The following VAT1 variants were observed in gnomAD, a reference collection of about 807,000 sequenced individuals.
VAT1 encodes the protein NADPH-dependent quinone oxidoreductase VAT1.
In VAT1, 24 loss-of-function variants were observed where a neutral mutation model predicts 33.3. The ratio of observed to expected loss-of-function variants is 0.72; its 90% CI spans 0.52 to 1.01. The LOEUF (loss-of-function observed/expected upper bound fraction) is 1.01, where lower values mean the gene tolerates loss of function less well. VAT1 is among the 50% of genes least tolerant of loss of function. The probability of loss-of-function intolerance (pLI) is 0.00; values close to 1 mark genes in which losing one functional copy is unlikely to be tolerated. For synonymous variants in VAT1, 212 were observed against 225.0 expected (o/e 0.94, Z 0.52); for missense variants, 436 against 533.7 (o/e 0.82, Z 1.80).
At chr17:43,019,459 T>C (rs973038147) in intron 1 of VAT1, 1 of 152,190 alleles carries the variant, frequency 6.6e-6, no homozygotes, top group Non-Finnish European at 1.5e-5. Flanking sequence ...CATACCAAAG[T>C]GCAGGCAAAG....
At position 43,017,945 on chromosome 17, in the gene VAT1, G is replaced by A. The variant is rs2050534498; in HGVS notation, c.767-15C>T. On this transcript the variant is annotated splice_polypyrimidine_tract_variant and intron_variant, in intron 3 of 5. Transcript: ENST00000355653. The stretch of plus-strand genomic sequence containing the variant: ...AATGTCCACTCCTGTCATAGAGTAG[G>A]GGAACCCAAGAACAACATTAGGATC... The A allele has an allele frequency of 6.2e-7, 1 of 1,613,892 alleles. No homozygotes were observed. The highest frequency in any genetic ancestry group is 8.5e-7 in the Non-Finnish European group (1 of 1,179,914).
chr17:43,020,430 T>C (rs929736036), intron 1 of VAT1, among the ~76,000 whole-genome samples: 9 of 152,054 alleles, frequency 5.9e-5, no homozygotes, highest in African/African-American at 2.2e-4. Context: ...AGAAGTCAGT[T>C]TGAGGGTGGG....
At position 43,022,210 on chromosome 17, in the gene VAT1, GCCCCTT is replaced by G; in HGVS notation, c.107_112del (p.Glu36_Gly37del). 6.4e-7 allele frequency: 1 copy of G among 1,560,950 alleles called. No individual in the cohort carries two copies. The highest frequency in any genetic ancestry group is 1.8e-5 in the Admixed American group (1 of 54,280). On this transcript the variant is annotated inframe_deletion, in exon 1 of 6. Coordinates refer to ENST00000355653, the MANE Select transcript of VAT1 (RefSeq NM_006373.4). ...TGGCGGCGAGGCGGCGGCGGCGGCG[GCCCCTT>G]CGGAGGCCGCGGGATGCTGGGGGTC...
Position 43,016,123 on chromosome 17 carries a change from T to TCTGTTTCA in VAT1, c.1112_1119dup (p.Met374Ter), listed in dbSNP as rs1182452231. The TCTGTTTCA allele has an allele frequency of 7.4e-6, 12 of 1,614,054 alleles. No individual in the cohort carries two copies. Among genetic ancestry groups the TCTGTTTCA allele is most frequent in the Non-Finnish European group, 1.0e-5 (12 of 1,180,034 alleles). On this transcript the variant is annotated stop_gained and frameshift_variant, in exon 6 of 6. Coordinates refer to ENST00000355653, the MANE Select transcript of VAT1 (RefSeq NM_006373.4). LOFTEE classifies it high-confidence loss of function. ...TTGCCCACATTCTTCTTCTCCTGCA[T>TCTGTTTCA]CTGTTTCATGGCATCAGCCACCTGG...
chr17:43,019,073 T>G (rs2050544683), intron 1 of VAT1: 5 of 485,534 alleles, frequency 1.0e-5, no homozygotes, highest in Non-Finnish European at 1.5e-5. Context: ...GATACTATCC[T>G]TATCATCTTC....
intron 1 of VAT1, among the ~76,000 whole-genome samples, chr17:43,020,780 C>T (rs2050559698): frequency 6.7e-6 from 1 of 149,436 alleles, no homozygotes; most frequent in Admixed American, 6.8e-5. Context: ...GAGGCTGAGG[C>T]AGGAGAATCG....
Position 43,017,939 on chromosome 17 carries a change from G to C in VAT1, c.767-9C>G, listed in dbSNP as rs748763654. ...CATGACAATGTCCACTCCTGTCATA[G>C]AGTAGGGGAACCCAAGAACAACATT... is the stretch of plus-strand genomic sequence containing the variant. On this transcript the variant is annotated splice_polypyrimidine_tract_variant and intron_variant, in intron 3 of 5. Coordinates refer to ENST00000355653, the MANE Select transcript of VAT1 (RefSeq NM_006373.4). The C allele has an allele frequency of 4.3e-6, 7 of 1,614,172 alleles. No homozygotes were observed. The highest frequency in any genetic ancestry group is 1.3e-5 in the African/African-American group (1 of 75,038).
At chr17:43,020,853 C>G (rs1211705781) in intron 1 of VAT1, among the ~76,000 whole-genome samples, 1 of 126,548 alleles carries the variant, frequency 7.9e-6, no homozygotes, top group Non-Finnish European at 1.6e-5. Flanking sequence ...CCAGCCTGGG[C>G]AACAAGAGCG....
In VAT1 at chr17:43,022,205, C is replaced by T. The variant is rs748897954; in HGVS notation, c.118G>A (p.Ala40Thr). 1.3e-6 allele frequency: 2 copies of T among 1,558,126 alleles called. No homozygotes were observed. The highest frequency in any genetic ancestry group is 1.9e-5 in the Admixed American group (1 of 53,628). ...AGCAGTGGCGGCGAGGCGGCGGCGG[C>T]GGCGGCCCCTTCGGAGGCCGCGGGA... ...QHPAASEGAA[A>T]AAASPPLLRC... Residue 40 changes from alanine (A) to threonine (T), a missense_variant, in exon 1 of 6, where the codon GCC (alanine) becomes ACC (threonine). Ala to Thr is a moderately conservative substitution (Grantham distance 58). Coordinates refer to ENST00000355653, the MANE Select transcript of VAT1 (RefSeq NM_006373.4).
In VAT1 at chr17:43,015,833, C is replaced by T; in HGVS notation, c.*228G>A. 1.7e-6 allele frequency: 1 copy of T among 603,652 alleles called. No homozygotes were observed. The highest frequency in any genetic ancestry group is 2.9e-6 in the Non-Finnish European group (1 of 339,966). 37.4% of individuals were successfully genotyped at this position (603,652 alleles called of 1,614,324 possible). On this transcript the variant is annotated 3_prime_UTR_variant, in exon 6 of 6. Coordinates refer to ENST00000355653, the MANE Select transcript of VAT1 (RefSeq NM_006373.4). ...GGAAGCAGCCGGCCTCCCTCTGACC[C>T]TCCCTGTCGCCTTGGCAGGGCCCAG...
chr17:43,020,536 G>C (rs1243291333), intron 1 of VAT1, among the ~76,000 whole-genome samples: 1 of 152,178 alleles, frequency 6.6e-6, no homozygotes, highest in African/African-American at 2.4e-5. Context: ...TGGCAGGTCT[G>C]CAAGAGGCTG....
At position 43,015,709 on chromosome 17, in the gene VAT1, A is replaced by C; in HGVS notation, c.*352T>G. On this transcript the variant is annotated 3_prime_UTR_variant, in exon 6 of 6. Coordinates refer to ENST00000355653, the MANE Select transcript of VAT1 (RefSeq NM_006373.4). ...AGGTGGCGGGGCAGGGACGGGAGGA[A>C]AGATGAGGCAGAGGTGAAAGCACAT... is the stretch of plus-strand genomic sequence containing the variant. The C allele has an allele frequency of 3.4e-6, 1 of 295,852 alleles. No individual in the cohort carries two copies. The highest frequency in any genetic ancestry group is 6.4e-6 in the Non-Finnish European group (1 of 156,688). The allele number at this position is 295,852 out of a possible 1,614,324, so 18.3% of individuals were successfully genotyped here.
chr17:43,018,958 A>G (rs2050543956), intron 1 of VAT1, 159 bp from the exon 2 acceptor site: 1 of 744,906 alleles, frequency 1.3e-6, no homozygotes, highest in Non-Finnish European at 2.2e-6. Flanking sequence ...CATCATCAAC[A>G]ACAATAACAA....
At chr17:43,016,677 T>G in intron 4 of VAT1, 129 bp from the exon 5 acceptor site, 1 of 1,404,036 alleles carries the variant, frequency 7.1e-7, no homozygotes. Context: ...ATTGGATAAT[T>G]CTCAAACTGC....
Position 43,022,222 on chromosome 17 carries a change from G to T in VAT1, c.101C>A (p.Ala34Asp), listed in dbSNP as rs1310491024. 1.3e-6 allele frequency: 2 copies of T among 1,569,148 alleles called. No individual in the cohort carries two copies. The highest frequency in any genetic ancestry group is 2.7e-5 in the African/African-American group (2 of 73,686). ...EAASDPQHPA[A>D]SEGAAAAAAS... The stretch of plus-strand genomic sequence containing the variant: ...GGCGGCGGCGGCGGCCCCTTCGGAG[G>T]CCGCGGGATGCTGGGGGTCGCTCGC... The change falls in exon 1 of 6, where the codon GCC becomes GAC. Residue 34 changes from alanine to aspartate, a missense_variant. Physicochemically the swap from Ala to Asp is moderately radical, Grantham distance 126 (BLOSUM62 -2). Coordinates refer to ENST00000355653, the MANE Select transcript of VAT1 (RefSeq NM_006373.4).
chr17:43,018,191 G>C lies in VAT1; in HGVS notation c.611C>G (p.Ala204Gly), dbSNP rs1360990883. 1 of 1,609,384 alleles carries C rather than the reference G, an allele frequency of 6.2e-7. No individual in the cohort carries two copies. The highest frequency in any genetic ancestry group is 1.7e-5 in the Admixed American group (1 of 59,918). The part of the protein sequence containing the change: ...VHMAAGGVGM[A>G]AVQLCRTVEN... ...CACTGTACGGCACAGCTGCACGGCA[G>C]CCATACCCACACCCCCTGCAGCAAG... The change falls in exon 3 of 6, where the codon GCT becomes GGT. Residue 204 changes from alanine (A) to glycine (G), a missense_variant. Around this residue, in one of 2 missense-constraint regions of VAT1, gnomAD observed 282 missense variants for 405.4 expected, o/e 0.70. Coordinates refer to ENST00000355653, the MANE Select transcript of VAT1 (RefSeq NM_006373.4).
chr17:43,017,742 A>T (rs2050532450), intron 4 of VAT1, 99 bp downstream of exon 4: 3 of 1,062,404 alleles, frequency 2.8e-6, no homozygotes, highest in Non-Finnish European at 2.8e-6. Flanking sequence ...CTGAGTCCCT[A>T]CCCCTTCTTC....
intron 5 of VAT1, 42 bp downstream of exon 5, chr17:43,016,265 T>G (rs975325034): frequency 6.2e-7 from 1 of 1,607,136 alleles, no homozygotes. Flanking sequence ...CCAGCCTTCA[T>G]GAGTCCTACC....
intron 4 of VAT1, 56 bp downstream of exon 4, chr17:43,017,785 T>G: frequency 6.5e-7 from 1 of 1,528,642 alleles, no homozygotes; most frequent in Non-Finnish European, 9.1e-7. Context: ...ATCCCACCCC[T>G]TAGACCCTCC....
Sources: allele counts gnomAD v4.1 joint callset (sites outside exome capture counted in the v4.1 genomes callset), GRCh38; gene constraint gnomAD v4.1.1; regional missense constraint gnomAD v4.1.1; transcripts MANE v1.5; gene names NCBI Gene and HGNC (gene_info 2026-07-23, HGNC 2026-07-21).